PRDM5: variants seen among roughly 807,000 people sequenced by gnomAD.
The protein encoded by PRDM5 is PR domain zinc finger protein 5.
Under a neutral mutation model 81.2 loss-of-function variants are expected in PRDM5, and 56 were observed. The observed-to-expected ratio is 0.69, with a 90% confidence interval of 0.56 to 0.86. The LOEUF is 0.86. PRDM5 is among the 40% of genes least tolerant of loss of function. The pLI is 0.00. For missense variants in PRDM5, 697 were observed against 770.1 expected (o/e 0.91, Z 1.12); for synonymous variants, 267 against 256.4 (o/e 1.04, Z -0.39).
chr4:120,887,354 A>G (rs1241873928), intron 2 of PRDM5, among the ~76,000 whole-genome samples: 3 of 151,636 alleles, frequency 2.0e-5, no homozygotes, highest in Non-Finnish European at 2.9e-5. Flanking sequence ...TTAGGGCCCA[A>G]CTCCAAGCCA....
At chr4:120,785,602 T>C (rs1749665380) in intron 10 of PRDM5, among the ~76,000 whole-genome samples, 1 of 152,198 alleles carries the variant, frequency 6.6e-6, no homozygotes, top group African/African-American at 2.4e-5. Flanking sequence ...AGAGCACTTA[T>C]TCATGTTATA....
chr4:120,917,763 G>T (rs544758052), intron 1 of PRDM5, among the ~76,000 whole-genome samples: 55 of 151,214 alleles, frequency 3.6e-4, no homozygotes, highest in Non-Finnish European at 4.1e-4. Context: ...GATGAAGTGA[G>T]TTTACTCTTT....
intron 14 of PRDM5, among the ~76,000 whole-genome samples, chr4:120,746,093 C>A (rs1011557413): frequency 8.1e-6 from 1 of 123,224 alleles, no homozygotes; most frequent in African/African-American, 3.6e-5. Flanking sequence ...AGATATAGAT[C>A]AATGGAACAG....
Position 120,850,414 on chromosome 4 carries a change from T to C in PRDM5, c.300+3004A>G, listed in dbSNP as rs577049646. On this transcript the variant is annotated intron_variant, in intron 3 of 15. Transcript: ENST00000264808. ...CAGCCACGTGACCCAACTATTATGC[T>C]CTCTGCCTTTAGCTCAGATGTGATT... 5.9e-5 allele frequency among the ~76,000 whole-genome samples: 9 copies of C among 152,240 alleles called. No homozygotes were observed. In the South Asian group the frequency reaches 1.9e-3, roughly 32 times the overall value.
intron 13 of PRDM5, among the ~76,000 whole-genome samples, chr4:120,757,670 G>A (rs1224896895): frequency 6.6e-6 from 1 of 152,100 alleles, no homozygotes; most frequent in African/African-American, 2.4e-5. Context: ...AAAGATGGAG[G>A]AAAAGTGAAT....
intron 13 of PRDM5, among the ~76,000 whole-genome samples, chr4:120,773,115 T>G (rs1176481277): frequency 6.6e-6 from 1 of 152,210 alleles, no homozygotes; most frequent in Admixed American, 6.5e-5. Context: ...GAAAGTTGTC[T>G]CAAGGAAAAG....
rs1405110509 is a variant in PRDM5 at position 120,821,181 on chromosome 4, C to T, written c.465G>A (p.Ala155=). ...EVENSRRQST[A]GRKDRLGCKE... ...TTAAAGATGCAATACCTTTTCTGCC[C>T]GCTGTTGATTGTCTTCTAGAATTTT... Residue 155 remains alanine (A), a synonymous_variant, in exon 4 of 16, where the codon GCG becomes GCA. Coordinates refer to ENST00000264808, the MANE Select transcript of PRDM5 (RefSeq NM_018699.4). 1.4e-5 allele frequency: 22 copies of T among 1,613,958 alleles called. No individual in the cohort carries two copies. The highest frequency in any genetic ancestry group is 3.3e-4 in the Middle Eastern group (2 of 6,084).
chr4:120,884,293 A>G (rs1763167882), intron 2 of PRDM5, among the ~76,000 whole-genome samples: 1 of 152,194 alleles, frequency 6.6e-6, no homozygotes, highest in Non-Finnish European at 1.5e-5. Context: ...ATGATATGTA[A>G]TGAAAAATAA....
At chr4:120,799,501 T>A (rs1751812104) in intron 9 of PRDM5, among the ~76,000 whole-genome samples, 160 bp downstream of exon 9, 1 of 152,166 alleles carries the variant, frequency 6.6e-6, no homozygotes, top group African/African-American at 2.4e-5. Flanking sequence ...AACTGAGGAC[T>A]AAAGAATTAA....
chr4:120,748,156 C>T (rs1743420556), intron 14 of PRDM5, among the ~76,000 whole-genome samples: 1 of 152,142 alleles, frequency 6.6e-6, no homozygotes. Context: ...AGGCACTGGA[C>T]ACAAAGAGTT....
At chr4:120,702,513 AT>A (rs538233532) in intron 15 of PRDM5, among the ~76,000 whole-genome samples, 2 of 152,126 alleles carry the variant, frequency 1.3e-5, no homozygotes, top group Non-Finnish European at 2.9e-5. Context: ...GATTTGCGTT[AT>A]TTTTTTATGT....
chr4:120,754,797 G>A (rs1170598267), intron 13 of PRDM5, among the ~76,000 whole-genome samples, 159 bp from the exon 14 acceptor site: 3 of 152,200 alleles, frequency 2.0e-5, no homozygotes, highest in South Asian at 2.1e-4. Flanking sequence ...AGCATGGGTC[G>A]TGCAGGACAG....
Position 120,705,960 on chromosome 4 carries a change from G to A in PRDM5, c.1728+4349C>T, listed in dbSNP as rs184902544. On this transcript the variant is annotated intron_variant, in intron 15 of 15. Coordinates refer to ENST00000264808, the MANE Select transcript of PRDM5 (RefSeq NM_018699.4). ...GTGAGAGAATTAGAGAAATAAAGGT[G>A]ACAATGAGAATTTAGAGATGGTGGT... 6.4e-3 allele frequency among the ~76,000 whole-genome samples: 980 copies of A among 152,276 alleles called. 14 individuals carry two copies. The highest frequency in any genetic ancestry group is 0.023 in the African/African-American group (940 of 41,562).
chr4:120,705,053 G>A (rs2149011379), intron 15 of PRDM5, among the ~76,000 whole-genome samples: 1 of 152,256 alleles, frequency 6.6e-6, no homozygotes, highest in Middle Eastern at 3.4e-3. Flanking sequence ...TTCACTAAAG[G>A]ATTCTAAATA....
chr4:120,862,745 T>C (rs1363511863), intron 2 of PRDM5, among the ~76,000 whole-genome samples: 1 of 152,158 alleles, frequency 6.6e-6, no homozygotes, highest in Non-Finnish European at 1.5e-5. Flanking sequence ...GGAATTTTGG[T>C]ATATCCTAGG....
At chr4:120,827,186 A>T (rs1185011546) in intron 3 of PRDM5, among the ~76,000 whole-genome samples, 1 of 152,188 alleles carries the variant, frequency 6.6e-6, no homozygotes, top group Admixed American at 6.5e-5. Flanking sequence ...TCTTTGAACA[A>T]AGCTGAAAAA....
At chr4:120,876,200 C>T (rs1762318294) in intron 2 of PRDM5, among the ~76,000 whole-genome samples, 2 of 152,204 alleles carry the variant, frequency 1.3e-5, no homozygotes, top group Non-Finnish European at 2.9e-5. Flanking sequence ...GAGACACGCA[C>T]ATCCACATCA....
intron 10 of PRDM5, among the ~76,000 whole-genome samples, chr4:120,789,750 C>A (rs527728190): frequency 2.0e-5 from 3 of 152,250 alleles, no homozygotes; most frequent in Middle Eastern, 6.8e-3. Context: ...AAGTACTCCT[C>A]CTCACAAAAT....
chr4:120,740,522 C>T (rs1489444449), intron 14 of PRDM5, among the ~76,000 whole-genome samples: 1 of 152,178 alleles, frequency 6.6e-6, no homozygotes, highest in Non-Finnish European at 1.5e-5. Flanking sequence ...CCAAAATGCC[C>T]CTGGTAGGCG....
Sources: allele counts gnomAD v4.1 joint callset (sites outside exome capture counted in the v4.1 genomes callset), GRCh38; gene constraint gnomAD v4.1.1; transcripts MANE v1.5; gene names NCBI Gene and HGNC (gene_info 2026-07-23, HGNC 2026-07-21).